DOCK10: variants seen among roughly 807,000 people sequenced by gnomAD.
The protein encoded by DOCK10 is dedicator of cytokinesis 10, also known as dedicator of cytokinesis protein 10.
Under a neutral mutation model 280.1 loss-of-function variants are expected in DOCK10, and 145 were observed. The ratio of observed to expected loss-of-function variants is 0.52; its 90% confidence interval spans 0.45 to 0.59. The LOEUF is 0.59. Ranked by LOEUF, DOCK10 falls within the 20% of genes least tolerant of loss-of-function variation. The probability of loss-of-function intolerance (pLI) is 0.00; values close to 1 mark genes in which losing one functional copy is unlikely to be tolerated. For synonymous variants in DOCK10, 915 were observed against 942.2 expected, an observed-to-expected ratio of 0.97 and a Z score of 0.53; for missense variants, 2,368 against 2,651.7, an observed-to-expected ratio of 0.89 and a Z score of 2.35.
At chr2:224,956,449 C>T (rs1042975457) in intron 1 of DOCK10, among the ~76,000 whole-genome samples, 1 of 151,926 alleles carries the variant, frequency 6.6e-6, no homozygotes, top group African/African-American at 2.4e-5. Flanking sequence ...CATGGTGAAA[C>T]TCTGTCTCTA....
chr2:224,997,861 G>A (rs1437342021), intron 1 of DOCK10, among the ~76,000 whole-genome samples: 38 of 152,208 alleles, frequency 2.5e-4, no homozygotes, highest in Admixed American at 2.4e-3. Flanking sequence ...AGACCTGAAG[G>A]CAGACTCGCA....
Position 224,789,184 on chromosome 2 carries a change from A to C in DOCK10, c.5312-14T>G. 6.4e-7 allele frequency: 1 copy of C among 1,558,216 alleles called. No homozygotes were observed. Among genetic ancestry groups the C allele is most frequent in the Non-Finnish European group, 8.8e-7 (1 of 1,131,254 alleles). On this transcript the variant is annotated splice_polypyrimidine_tract_variant and intron_variant, in intron 47 of 55. Transcript: ENST00000258390. ...TAGAGAACATGCCTTGGGAGGACCA[A>C]GCAGAATAAAACATTATTATTTGAG...
intron 41 of DOCK10, among the ~76,000 whole-genome samples, chr2:224,799,327 T>A (rs190068616): frequency 1.3e-5 from 2 of 152,258 alleles, no homozygotes; most frequent in African/African-American, 4.8e-5. Flanking sequence ...TGTTACAGCA[T>A]GTATCAGTAG....
At chr2:224,957,590 T>A (rs1020541144) in intron 1 of DOCK10, among the ~76,000 whole-genome samples, 3 of 152,138 alleles carry the variant, frequency 2.0e-5, no homozygotes, top group Non-Finnish European at 2.9e-5. Flanking sequence ...ATCCAGTATT[T>A]CCTTGATGAT....
chr2:224,851,791 A>T (rs1010389208), intron 18 of DOCK10, among the ~76,000 whole-genome samples: 1 of 152,204 alleles, frequency 6.6e-6, no homozygotes, highest in Non-Finnish European at 1.5e-5. Flanking sequence ...ATCAAATATG[A>T]ACTCTAAAAA....
At chr2:224,876,010 G>T in intron 8 of DOCK10, 28 bp downstream of exon 8, 1 of 1,600,360 alleles carries the variant, frequency 6.2e-7, no homozygotes. Flanking sequence ...CTGGACAAAG[G>T]AAGGAAGACG....
chr2:224,973,468 G>A (rs954392691), intron 1 of DOCK10, among the ~76,000 whole-genome samples: 1 of 152,218 alleles, frequency 6.6e-6, no homozygotes, highest in South Asian at 2.1e-4. Context: ...AAGACACTAT[G>A]CTTCTGGCTT....
chr2:224,870,576 A>G (rs957151945), intron 11 of DOCK10, among the ~76,000 whole-genome samples: 2 of 152,022 alleles, frequency 1.3e-5, no homozygotes, highest in Non-Finnish European at 2.9e-5. Context: ...CACCAATCCC[A>G]TAGCTACCCA....
At chr2:224,988,272 T>C (rs1160174256) in intron 1 of DOCK10, among the ~76,000 whole-genome samples, 1 of 152,162 alleles carries the variant, frequency 6.6e-6, no homozygotes, top group Admixed American at 6.5e-5. Context: ...TCCTGATTGA[T>C]TTAGATTTTA....
At chr2:224,873,218 C>G (rs544307957) in intron 11 of DOCK10, among the ~76,000 whole-genome samples, 2 of 152,242 alleles carry the variant, frequency 1.3e-5, no homozygotes, top group South Asian at 4.2e-4. Flanking sequence ...GGTTTGTTAG[C>G]TTTGATTTTT....
chr2:224,810,354 G>A (rs1693678587), intron 31 of DOCK10, among the ~76,000 whole-genome samples: 1 of 152,264 alleles, frequency 6.6e-6, no homozygotes, highest in East Asian at 1.9e-4. Context: ...GAAATGGGAG[G>A]TGGATTTTAG....
intron 50 of DOCK10, among the ~76,000 whole-genome samples, chr2:224,783,273 A>ATTTTTTTTTTTTTTTTTTTTTT (rs10713926): frequency 2.1e-5 from 3 of 143,998 alleles, no homozygotes; most frequent in African/African-American, 2.6e-5. Context: ...TCAGACTGGA[A>ATTTTTTTTTTTTTTTTTTTTTT]TTTTTTTTTT....
intron 14 of DOCK10, 146 bp from the exon 15 acceptor site, chr2:224,857,128 A>G (rs1697201819): frequency 3.4e-6 from 2 of 586,582 alleles, no homozygotes; most frequent in East Asian, 3.2e-5. Context: ...ACTTTTACAA[A>G]TGCTTCATTT....
intron 3 of DOCK10, among the ~76,000 whole-genome samples, chr2:224,910,975 C>T (rs74771731): frequency 0.029 from 3,015 of 103,158 alleles, 78 homozygotes; most frequent in African/African-American, 0.079. Context: ...TTTCTCTCTC[C>T]CTTTTTTTTT....
At chr2:224,998,217 T>C (rs955896907) in intron 1 of DOCK10, among the ~76,000 whole-genome samples, 10 of 152,224 alleles carry the variant, frequency 6.6e-5, no homozygotes, top group Non-Finnish European at 1.5e-5. Context: ...GGATTCTCTA[T>C]TAGAAATATG....
At chr2:225,018,760 T>C (rs1026651664) in intron 1 of DOCK10, among the ~76,000 whole-genome samples, 1 of 147,042 alleles carries the variant, frequency 6.8e-6, no homozygotes, top group Non-Finnish European at 1.5e-5. Context: ...TACACATATG[T>C]GTATATGTAC....
intron 3 of DOCK10, among the ~76,000 whole-genome samples, chr2:224,910,614 A>T (rs1361539354): frequency 6.6e-6 from 1 of 152,212 alleles, no homozygotes; most frequent in Admixed American, 6.5e-5. Flanking sequence ...AAGGGCTTAG[A>T]AGTGTATCTG....
intron 22 of DOCK10, among the ~76,000 whole-genome samples, chr2:224,842,259 T>C (rs1696015354): frequency 6.6e-6 from 1 of 152,258 alleles, no homozygotes; most frequent in South Asian, 2.1e-4. Context: ...ATTTCTTCTA[T>C]ACCATCCTTG....
Position 224,856,899 on chromosome 2 carries a change from GA to G in DOCK10, c.1768del (p.Ser590GlnfsTer5). The G allele has an allele frequency of 6.2e-7, 1 of 1,612,032 alleles. No individual in the cohort carries two copies. Among genetic ancestry groups the G allele is most frequent in the Non-Finnish European group, 8.5e-7 (1 of 1,178,542 alleles). ...TACTAGTTTAACTAGGTCCTCAGTT[GA>G]AATCTTGCTACTTTCTTGTCTAAAC... ...PLFRQESSKISTEDLVKLVSD... is the reference protein window; with the variant it reads ...PLFRQESSKIXTEDLVKLVSD... On this transcript the variant is annotated frameshift_variant, in exon 15 of 56. Transcript: ENST00000258390. LOFTEE classifies it high-confidence loss of function.
Sources: allele counts gnomAD v4.1 joint callset (sites outside exome capture counted in the v4.1 genomes callset), GRCh38; gene constraint gnomAD v4.1.1; transcripts MANE v1.5; gene names NCBI Gene and HGNC (gene_info 2026-07-23, HGNC 2026-07-21).